Variants in TRIM36 observed in about 807,000 individuals in gnomAD.
TRIM36 encodes the protein tripartite motif containing 36.
TRIM36 carries 42 observed loss-of-function variants against 72.4 expected under a neutral mutation model. The ratio of observed to expected loss-of-function variants is 0.58; its 90% CI spans 0.45 to 0.75. TRIM36 has a LOEUF of 0.75. Ranked by LOEUF, TRIM36 falls within the 30% of genes least tolerant of loss-of-function variation. The pLI is 0.00. For missense variants in TRIM36, 913 were observed against 857.1 expected, an observed-to-expected ratio of 1.07 and a Z score of -0.81; for synonymous variants, 315 against 282.8, an observed-to-expected ratio of 1.11 and a Z score of -1.14.
upstream of TRIM36, chr5:115,180,180 G>C (rs530836280): frequency 3.4e-5 from 26 of 768,490 alleles, 1 homozygote; most frequent in Non-Finnish European, 5.5e-5. Flanking sequence ...GGAAGCGCCG[G>C]GGAAAGCAAG....
At chr5:115,163,404 C>A (rs554928135) in intron 2 of TRIM36, 114 bp downstream of exon 2, 5 of 853,340 alleles carry the variant, frequency 5.9e-6, no homozygotes, top group Non-Finnish European at 9.1e-6. Flanking sequence ...AATTTATTCA[C>A]CTGGAAAAAT....
At chr5:115,169,275 C>A (rs891221587) in intron 1 of TRIM36, among the ~76,000 whole-genome samples, 2 of 152,226 alleles carry the variant, frequency 1.3e-5, no homozygotes, top group African/African-American at 4.8e-5. Context: ...TGCCCGCACC[C>A]GACTCCCAAA....
intron 1 of TRIM36, chr5:115,177,967 T>G (rs1299067454): frequency 3.9e-6 from 5 of 1,284,168 alleles, no homozygotes; most frequent in Non-Finnish European, 4.4e-6. Context: ...GTGAGCATAC[T>G]GTGATGAACC....
In TRIM36 at chr5:115,144,667, C is replaced by A; in HGVS notation, c.666G>T (p.Leu222=). ...CELCRRPVCH[L]CKLGGNHANH... ...TGGCATGATTACCACCCAACTTACA[C>A]AGATGGCAAACTGGCCTCCTACATA... Residue 222 remains leucine (L), a synonymous_variant, in exon 4 of 10, where the codon CTG becomes CTT. Coordinates refer to ENST00000513154, the MANE Select transcript of TRIM36 (RefSeq NM_001300759.2). 1 of 1,613,920 alleles carries A rather than the reference C, an allele frequency of 6.2e-7. No homozygotes were observed. Among genetic ancestry groups the A allele is most frequent in the African/African-American group, 1.3e-5 (1 of 74,948 alleles).
At chr5:115,179,717 C>A (rs1477880988) in intron 1 of TRIM36, among the ~76,000 whole-genome samples, 1 of 152,252 alleles carries the variant, frequency 6.6e-6, no homozygotes, top group African/African-American at 2.4e-5. Flanking sequence ...CGTCCGAGAG[C>A]CCCTATTGCT....
intron 8 of TRIM36, 21 bp from the exon 9 acceptor site, chr5:115,130,910 A>G (rs368651384): frequency 1.9e-6 from 3 of 1,589,462 alleles, no homozygotes; most frequent in Middle Eastern, 1.7e-4. Flanking sequence ...CTTAAAATTA[A>G]TATCAGGCTA....
intron 2 of TRIM36, among the ~76,000 whole-genome samples, chr5:115,150,326 T>C (rs1359563743): frequency 2.0e-5 from 3 of 152,204 alleles, no homozygotes; most frequent in Non-Finnish European, 4.4e-5. Context: ...TAAAATTTAA[T>C]TAAAATTAAG....
At chr5:115,148,303 T>G in intron 2 of TRIM36, 1 of 981,238 alleles carries the variant, frequency 1.0e-6, no homozygotes, top group Non-Finnish European at 1.2e-6. Flanking sequence ...CCAATTTTAA[T>G]AAATCAAGAA....
intron 4 of TRIM36, 131 bp downstream of exon 4, chr5:115,144,467 G>T: frequency 3.6e-6 from 4 of 1,111,124 alleles, no homozygotes; most frequent in Non-Finnish European, 5.1e-6. Flanking sequence ...TTAGTAGATC[G>T]CTAAGTAACA....
chr5:115,145,424 T>C (rs41340749), intron 3 of TRIM36, among the ~76,000 whole-genome samples: 7,889 of 152,312 alleles, frequency 0.052, 251 homozygotes, highest in East Asian at 0.079. Context: ...GGAGATTCCT[T>C]TAAGTTAGTA....
intron 9 of TRIM36, among the ~76,000 whole-genome samples, chr5:115,130,021 C>A (rs1308739776): frequency 6.6e-6 from 1 of 152,106 alleles, no homozygotes; most frequent in African/African-American, 2.4e-5. Context: ...CTTTTCCTAT[C>A]ATTCAGATTG....
chr5:115,179,954 GC>G, intron 1 of TRIM36: 1 of 1,612,890 alleles, frequency 6.2e-7, no homozygotes, highest in African/African-American at 1.3e-5. Context: ...AGGCCGCGGC[GC>G]CCCGCGCCTC....
chr5:115,148,415 C>CTGTTTT, intron 2 of TRIM36: 1 of 505,546 alleles, frequency 2.0e-6, no homozygotes, highest in South Asian at 9.9e-5. Flanking sequence ...TAAATCTGTT[C>CTGTTTT]TTTTTTTTTT....
At chr5:115,177,427 C>A in intron 1 of TRIM36, 1 of 875,710 alleles carries the variant, frequency 1.1e-6, no homozygotes, top group Non-Finnish European at 1.4e-6. Flanking sequence ...CCTCTACTCT[C>A]TTAACTCTCA....
intron 1 of TRIM36, chr5:115,177,754 GTTC>G (rs991568842): frequency 6.2e-7 from 1 of 1,614,124 alleles, no homozygotes; most frequent in African/African-American, 1.3e-5. Flanking sequence ...ATTGTCCTAA[GTTC>G]TTCTTGGGAG....
chr5:115,147,311 C>G lies in TRIM36; in HGVS notation c.346G>C (p.Gly116Arg). 6.2e-7 allele frequency: 1 copy of G among 1,614,160 alleles called. No homozygotes were observed. The highest frequency in any genetic ancestry group is 8.5e-7 in the Non-Finnish European group (1 of 1,180,026). The change falls in exon 3 of 10, where the codon GGA becomes CGA. Residue 116 changes from glycine (G) to arginine (R), a missense_variant. Transcript: ENST00000513154. ...AAGTTTCGAAACAGACCATTGATTC[C>G]TCGTTCTCCAAGATCCACATCATGC... ...CEHDVDLGER[G>R]INGLFRNFTL... is the part of the protein sequence containing the mutation.
intron 9 of TRIM36, among the ~76,000 whole-genome samples, chr5:115,128,608 C>T (rs12188054): frequency 0.27 from 39,012 of 144,730 alleles, 5,425 homozygotes; most frequent in Middle Eastern, 0.33. Flanking sequence ...AAAAATTAGC[C>T]GGGCGCGGTG....
Position 115,134,027 on chromosome 5 carries a change from T to A in TRIM36, c.1331A>T (p.Asn444Ile). 1 of 1,613,862 alleles carries A rather than the reference T, an allele frequency of 6.2e-7. No individual in the cohort carries two copies. The highest frequency in any genetic ancestry group is 1.1e-5 in the South Asian group (1 of 91,068). Residue 444 changes from asparagine to isoleucine, a missense_variant, in exon 8 of 10, where the codon AAT becomes ATT. Physicochemically the swap from Asn to Ile is moderately radical, Grantham distance 149 (BLOSUM62 -3). Coordinates refer to ENST00000513154, the MANE Select transcript of TRIM36 (RefSeq NM_001300759.2). ...ATTCCATGACATTTCATCATCTCTA[T>A]TGATTTTCCGATATTCAAGAACATA... ...DSYVLEYRKI[N>I]RDDEMSWNEI...
chr5:115,130,115 T>C (rs1346390464), intron 9 of TRIM36, among the ~76,000 whole-genome samples: 1 of 152,218 alleles, frequency 6.6e-6, no homozygotes, highest in Admixed American at 6.5e-5. Context: ...AGAACTGAAC[T>C]GTACAATCTT....
Sources: allele counts gnomAD v4.1 joint callset (sites outside exome capture counted in the v4.1 genomes callset), GRCh38; gene constraint gnomAD v4.1.1; transcripts MANE v1.5; gene names NCBI Gene and HGNC (gene_info 2026-07-23, HGNC 2026-07-21).